Variants in PPP2R5C observed in about 807,000 individuals in gnomAD.
The protein encoded by PPP2R5C is protein phosphatase 2 regulatory subunit B'gamma.
Under a neutral mutation model 68.9 loss-of-function variants are expected in PPP2R5C, and 7 were observed. The observed-to-expected ratio is 0.10, with a 90% confidence interval of 0.06 to 0.19. The LOEUF (loss-of-function observed/expected upper bound fraction) is 0.19, where lower values mean the gene tolerates loss of function less well. PPP2R5C is among the 10% of genes least tolerant of loss of function. The pLI is 1.00. For synonymous variants in PPP2R5C, 210 were observed against 222.2 expected (o/e 0.95, Z 0.49); for missense variants, 348 against 641.3 (o/e 0.54, Z 4.94).
intron 5 of PPP2R5C, among the ~76,000 whole-genome samples, chr14:101,887,681 G>A (rs563841741): frequency 6.6e-6 from 1 of 152,234 alleles, no homozygotes; most frequent in Non-Finnish European, 1.5e-5. Context: ...TAAGAGTTTG[G>A]CTTGGAACTG....
At chr14:101,923,503 A>G (rs2141214705) in intron 13 of PPP2R5C, among the ~76,000 whole-genome samples, 1 of 152,346 alleles carries the variant, frequency 6.6e-6, no homozygotes, top group Non-Finnish European at 1.5e-5. Context: ...GGTTGAAGGT[A>G]GACATGCTTT....
Position 101,893,422 on chromosome 14 carries a change from GAGAAAAGCCTATAT to G in PPP2R5C, c.798+317_798+330del, listed in dbSNP as rs1433985022. On this transcript the variant is annotated intron_variant, in intron 7 of 13. Coordinates refer to ENST00000334743, the Ensembl canonical transcript of PPP2R5C. ...GTAATCTAAAATTCAGTACCTTAAAGAGAAAAGCCTATATAGGTCCATGGCCAATGAATGGCCTA... is the reference window on the plus strand; with the variant it reads ...GTAATCTAAAATTCAGTACCTTAAAGAGGTCCATGGCCAATGAATGGCCTA... 2.0e-5 allele frequency among the ~76,000 whole-genome samples: 3 copies of G among 152,124 alleles called. 1 individual carries two copies. In the East Asian group the frequency reaches 5.8e-4, roughly 29 times the overall value.
At chr14:101,785,266 A>C (rs1483774677) in intron 2 of PPP2R5C, among the ~76,000 whole-genome samples, 12 of 152,156 alleles carry the variant, frequency 7.9e-5, no homozygotes, top group Admixed American at 7.9e-4. Flanking sequence ...AGCCGTATTC[A>C]TCTCCTTGCA....
chr14:101,881,189 G>T (rs1379558689), intron 2 of PPP2R5C, among the ~76,000 whole-genome samples: 1 of 152,158 alleles, frequency 6.6e-6, no homozygotes, highest in East Asian at 1.9e-4. Flanking sequence ...AGGAGTTTGA[G>T]ACTGGCCTGG....
chr14:101,843,583 AT>A (rs895104700), intron 1 of PPP2R5C: 4 of 169,792 alleles, frequency 2.4e-5, no homozygotes, highest in South Asian at 2.5e-4. Flanking sequence ...GTATTTTCCT[AT>A]TTTTTGAAGG....
upstream of PPP2R5C, among the ~76,000 whole-genome samples, chr14:101,761,033 CGAGGGGAGGGGACG>C (rs1165489073): frequency 1.3e-5 from 1 of 79,472 alleles, no homozygotes; most frequent in East Asian, 4.8e-4. Flanking sequence ...ACGGGGTGGT[CGAGGGGAGGGGACG>C]GAGGGGAGGG....
rs754893268 is a variant in PPP2R5C, at chr14:101,882,528, G to A, written c.405+257G>A. ...GAAGATGGCCGCTGTGTTGATGGCC[G>A]TTGAATTGAATTCAGGCCCAGAGGT... On this transcript the variant is annotated intron_variant, in intron 3 of 13. Transcript: ENST00000334743. This position sits in a 1 kb window ranked among gnomAD's most constrained non-coding sequence, Gnocchi z 4.9. 6.5e-5 allele frequency: 21 copies of A among 322,410 alleles called. 1 individual carries two copies. The highest frequency in any genetic ancestry group is 3.1e-4 in the South Asian group (3 of 9,780). The allele number at this position is 322,410 out of a possible 1,614,324, so 20.0% of individuals were successfully genotyped here. A position where few individuals can be genotyped will look rare whatever the true frequency, so the allele number is the denominator to read the frequency against.
At chr14:101,848,052 AC>A in intron 1 of PPP2R5C, among the ~76,000 whole-genome samples, 1 of 152,134 alleles carries the variant, frequency 6.6e-6, no homozygotes. Context: ...AGCATGTCAT[AC>A]CACAGTTTTT....
chr14:101,854,263 A>G (rs1032597574), intron 1 of PPP2R5C, among the ~76,000 whole-genome samples: 3 of 152,190 alleles, frequency 2.0e-5, no homozygotes, highest in African/African-American at 7.2e-5. Flanking sequence ...CTCTGAATGC[A>G]GCGTAGGAAA....
chr14:101,785,616 G>A (rs938639833), intron 2 of PPP2R5C, among the ~76,000 whole-genome samples: 1 of 152,146 alleles, frequency 6.6e-6, no homozygotes, highest in African/African-American at 2.4e-5. Context: ...CCACCTGGAT[G>A]ATCCAGAATC....
At chr14:101,772,015 C>T (rs1353433855) in intron 2 of PPP2R5C, among the ~76,000 whole-genome samples, 1 of 152,186 alleles carries the variant, frequency 6.6e-6, no homozygotes, top group Admixed American at 6.5e-5. Context: ...CCAGCAGCTA[C>T]TCTGTTGACC....
intron 13 of PPP2R5C, among the ~76,000 whole-genome samples, chr14:101,919,337 T>C (rs1293334644): frequency 6.6e-6 from 1 of 152,250 alleles, no homozygotes; most frequent in Non-Finnish European, 1.5e-5. Context: ...TATCAGTAAC[T>C]AATTTTCTAT....
At chr14:101,854,284 G>A (rs1024948322) in intron 1 of PPP2R5C, among the ~76,000 whole-genome samples, 3 of 152,164 alleles carry the variant, frequency 2.0e-5, no homozygotes, top group Non-Finnish European at 4.4e-5. Context: ...CAGGGAAACC[G>A]TAGCTTCCTA....
chr14:101,849,405 A>G (rs906690666), intron 1 of PPP2R5C, among the ~76,000 whole-genome samples: 4 of 152,088 alleles, frequency 2.6e-5, no homozygotes, highest in Non-Finnish European at 2.9e-5. Context: ...AGTGGTTTTA[A>G]TTTGCATTTC....
intron 2 of PPP2R5C, among the ~76,000 whole-genome samples, chr14:101,865,658 C>G (rs2043015783): frequency 6.6e-6 from 1 of 152,208 alleles, no homozygotes; most frequent in Non-Finnish European, 1.5e-5. Flanking sequence ...TTGGTTCTGT[C>G]TGCTGCAGAC....
At chr14:101,774,319 GC>G (rs2037306529) in intron 2 of PPP2R5C, among the ~76,000 whole-genome samples, 1 of 152,174 alleles carries the variant, frequency 6.6e-6, no homozygotes, top group African/African-American at 2.4e-5. Context: ...TACATTAGCA[GC>G]CTTAGTTTTT....
intron 2 of PPP2R5C, among the ~76,000 whole-genome samples, chr14:101,776,550 G>A (rs1034115275): frequency 1.3e-5 from 2 of 152,194 alleles, no homozygotes; most frequent in Admixed American, 6.5e-5. Flanking sequence ...CAAAGCGTGT[G>A]TGTCTCCCTG....
chr14:101,869,454 A>G (rs1019842821), intron 2 of PPP2R5C, among the ~76,000 whole-genome samples: 1 of 152,088 alleles, frequency 6.6e-6, no homozygotes, highest in Non-Finnish European at 1.5e-5. Context: ...TAGGGATGCA[A>G]TCGCTAGGTG....
At chr14:101,836,771 G>T (rs1308526283) in intron 1 of PPP2R5C, 6 of 177,706 alleles carry the variant, frequency 3.4e-5, no homozygotes, top group East Asian at 3.0e-4. Flanking sequence ...GGAGAGTAAA[G>T]GTATATGTCG....
Sources: allele counts gnomAD v4.1 joint callset (sites outside exome capture counted in the v4.1 genomes callset), GRCh38; gene constraint gnomAD v4.1.1; non-coding constraint Gnocchi (gnomAD v3.1); transcripts MANE v1.5; gene names NCBI Gene and HGNC (gene_info 2026-07-23, HGNC 2026-07-21).